The following GKAP1 variants were observed in gnomAD, a reference collection of about 807,000 sequenced individuals.
GKAP1 encodes G kinase anchoring protein 1.
Under a neutral mutation model 56.7 loss-of-function variants are expected in GKAP1, and 31 were observed. The ratio of observed to expected loss-of-function variants is 0.55; its 90% CI spans 0.41 to 0.74. The LOEUF (loss-of-function observed/expected upper bound fraction) is 0.74. Among genes scored for constraint, GKAP1 ranks in the 30% least tolerant of loss-of-function variants. The probability of loss-of-function intolerance (pLI) is 0.00; values close to 1 mark genes in which losing one functional copy is unlikely to be tolerated. For missense variants in GKAP1, 364 were observed against 402.3 expected, an observed-to-expected ratio of 0.90 and a Z score of 0.82; for synonymous variants, 151 against 138.6, an observed-to-expected ratio of 1.09 and a Z score of -0.63.
rs1322306333 is a variant in GKAP1 at position 83,810,814 on chromosome 9, C to T, written c.-43-4254G>A. ...CAAGCATCACTTAATGATGGGGATA[C>T]GTTGTGAGAAATGCATCATTAGGTG... On this transcript the variant is annotated intron_variant, in intron 2 of 12. Transcript: ENST00000376371. Among the ~76,000 whole-genome samples, 5 of 152,308 alleles carry T rather than the reference C, an allele frequency of 3.3e-5. No homozygotes were observed. The East Asian group carries it at 9.6e-4, about 29-fold the overall frequency.
At chr9:83,777,460 T>C (rs1943883154) in intron 7 of GKAP1, among the ~76,000 whole-genome samples, 1 of 152,032 alleles carries the variant, frequency 6.6e-6, no homozygotes, top group Non-Finnish European at 1.5e-5. Context: ...GCATGATTTG[T>C]TGAGATTTTA....
intron 8 of GKAP1, among the ~76,000 whole-genome samples, chr9:83,765,834 AC>A (rs1308372925): frequency 6.6e-6 from 1 of 152,136 alleles, no homozygotes; most frequent in Non-Finnish European, 1.5e-5. Flanking sequence ...CTTGCTTTTG[AC>A]TTTATAGGCT....
chr9:83,802,085 C>T lies in GKAP1; in HGVS notation c.217-2757G>A, dbSNP rs77577632. On this transcript the variant is annotated intron_variant, in intron 3 of 12. Coordinates refer to ENST00000376371, the MANE Select transcript of GKAP1 (RefSeq NM_025211.4). Reference sequence around the variant, plus strand: ...CAAAACACATACTAGAGTTGTAGCTCAGAATTTCTTTTAAAAACAATGGGC... The same window carrying T: ...CAAAACACATACTAGAGTTGTAGCTTAGAATTTCTTTTAAAAACAATGGGC... Among the ~76,000 whole-genome samples, 142 of 152,262 alleles carry T rather than the reference C, an allele frequency of 9.3e-4. 2 individuals carry two copies. In the East Asian group the frequency reaches 0.026, roughly 28 times the overall value.
intron 10 of GKAP1, among the ~76,000 whole-genome samples, chr9:83,743,612 C>A (rs1252700967): frequency 2.6e-5 from 4 of 152,028 alleles, no homozygotes; most frequent in Non-Finnish European, 4.4e-5. Flanking sequence ...TAAATAAAAA[C>A]AATGCAGAGT....
intron 7 of GKAP1, among the ~76,000 whole-genome samples, chr9:83,779,560 TATATATATACACAC>T (rs1459451106): frequency 8.6e-6 from 1 of 116,838 alleles, no homozygotes; most frequent in Non-Finnish European, 1.6e-5. Flanking sequence ...TGTATATGTG[TATATATATACACAC>T]ATATATATAC....
intron 5 of GKAP1, among the ~76,000 whole-genome samples, chr9:83,785,922 G>A (rs948560492): frequency 6.6e-6 from 1 of 152,072 alleles, no homozygotes; most frequent in African/African-American, 2.4e-5. Flanking sequence ...AGAAGTTCTA[G>A]GTCCTTAAAT....
At chr9:83,803,340 T>A (rs1944365422) in intron 3 of GKAP1, among the ~76,000 whole-genome samples, 2 of 151,770 alleles carry the variant, frequency 1.3e-5, no homozygotes, top group Non-Finnish European at 2.9e-5. Context: ...CTCGGCTCAC[T>A]GCAACCTCCC....
intron 4 of GKAP1, chr9:83,792,963 T>C (rs1181065188): frequency 8.8e-6 from 11 of 1,255,802 alleles, no homozygotes; most frequent in Non-Finnish European, 1.0e-5. Context: ...GTGTCCAAGA[T>C]GGAGTACTTC....
chr9:83,805,571 G>C (rs1367708728), intron 3 of GKAP1, among the ~76,000 whole-genome samples: 3 of 151,844 alleles, frequency 2.0e-5, no homozygotes, highest in Non-Finnish European at 4.4e-5. Flanking sequence ...ACTGCTCATG[G>C]TTAATTTTTT....
At chr9:83,797,301 C>T (rs1944263972) in intron 4 of GKAP1, among the ~76,000 whole-genome samples, 1 of 152,188 alleles carries the variant, frequency 6.6e-6, no homozygotes, top group African/African-American at 2.4e-5. Context: ...CTCAGCCCTC[C>T]ATCCCCGAAA....
Position 83,799,342 on chromosome 9 carries a change from A to G in GKAP1, c.217-14T>C. On this transcript the variant is annotated splice_polypyrimidine_tract_variant and intron_variant, in intron 3 of 12. Coordinates refer to ENST00000376371, the MANE Select transcript of GKAP1 (RefSeq NM_025211.4). ...AAGATTCCTGAGCTATAAAACAAAC[A>G]AAAAATATATTAAATTCAGTTTACC... is the stretch of plus-strand genomic sequence containing the variant. 6.5e-7 allele frequency: 1 copy of G among 1,541,844 alleles called. No individual in the cohort carries two copies. The highest frequency in any genetic ancestry group is 8.7e-7 in the Non-Finnish European group (1 of 1,144,008).
At chr9:83,804,379 C>T (rs1397918848) in intron 3 of GKAP1, among the ~76,000 whole-genome samples, 2 of 143,158 alleles carry the variant, frequency 1.4e-5, no homozygotes, top group Non-Finnish European at 3.1e-5. Flanking sequence ...GCCAGCCGCC[C>T]CGTCCGGGAG....
At chr9:83,785,055 C>T (rs1409876039) in intron 5 of GKAP1, among the ~76,000 whole-genome samples, 2 of 152,108 alleles carry the variant, frequency 1.3e-5, no homozygotes, top group African/African-American at 4.8e-5. Context: ...AAAAGTCATA[C>T]CTTGGCCTAT....
chr9:83,814,991 G>C (rs1474290082), intron 2 of GKAP1, among the ~76,000 whole-genome samples: 1 of 151,834 alleles, frequency 6.6e-6, no homozygotes, highest in Admixed American at 6.6e-5. Context: ...GGCCAACGTA[G>C]TGAAACCCCA....
chr9:83,762,562 A>G (rs1013410959), intron 8 of GKAP1, among the ~76,000 whole-genome samples: 3 of 152,206 alleles, frequency 2.0e-5, no homozygotes, highest in Non-Finnish European at 2.9e-5. Flanking sequence ...CCTAAAATAT[A>G]TATGAAACCA....
intron 8 of GKAP1, among the ~76,000 whole-genome samples, chr9:83,755,799 C>CATT (rs1943465176): frequency 8.0e-6 from 1 of 124,442 alleles, no homozygotes; most frequent in African/African-American, 3.1e-5. Flanking sequence ...CAAACTGGTA[C>CATT]TTTTTTTTTT....
chr9:83,767,929 T>C (rs545835840), intron 8 of GKAP1, among the ~76,000 whole-genome samples: 23 of 152,314 alleles, frequency 1.5e-4, no homozygotes, highest in Admixed American at 7.2e-4. Flanking sequence ...TCAAGTGATC[T>C]GCCCGCTTCA....
At chr9:83,758,199 A>T (rs1004715821) in intron 8 of GKAP1, among the ~76,000 whole-genome samples, 1 of 152,168 alleles carries the variant, frequency 6.6e-6, no homozygotes, top group Admixed American at 6.6e-5. Flanking sequence ...TTATTATCTT[A>T]AAAAATCGAT....
In GKAP1 at chr9:83,806,502, G is replaced by A. The variant is rs1306316814; in HGVS notation, c.16C>T (p.Leu6Phe). The A allele has an allele frequency of 6.2e-7, 1 of 1,613,840 alleles. No individual in the cohort carries two copies. The highest frequency in any genetic ancestry group is 8.5e-7 in the Non-Finnish European group (1 of 1,179,896). Residue 6 changes from leucine (L) to phenylalanine (F), a missense_variant, in exon 3 of 13, where the codon CTT (leucine) becomes TTT (phenylalanine). Coordinates refer to ENST00000376371, the MANE Select transcript of GKAP1 (RefSeq NM_025211.4). MASAVLSSVPTTASRF... is the reference protein window; with the variant it reads MASAVFSSVPTTASRF... ...GAAGCGGTGGTGGGAACAGAACTAA[G>A]TACTGCTGAGGCCATCGTAAAGATT...
Sources: gnomAD v4.1 joint callset for allele counts (sites outside exome capture counted in the v4.1 genomes callset) on GRCh38, gnomAD v4.1.1 for gene constraint, MANE v1.5 for transcripts, NCBI Gene and HGNC (gene_info 2026-07-23, HGNC 2026-07-21) for gene names.